The following NCOR1 variants were observed in gnomAD, a reference collection of about 807,000 sequenced individuals.
The protein encoded by NCOR1 is nuclear receptor corepressor 1.
In NCOR1, 63 loss-of-function variants were observed where a neutral mutation model predicts 288.1. The ratio of observed to expected loss-of-function variants is 0.22; its 90% CI spans 0.18 to 0.27. The LOEUF is 0.27. Ranked by LOEUF, NCOR1 falls within the 10% of genes least tolerant of loss-of-function variation. The probability of loss-of-function intolerance (pLI) is 1.00; values close to 1 mark genes in which losing one functional copy is unlikely to be tolerated. For missense variants in NCOR1, 2,397 were observed against 3,019.2 expected, an observed-to-expected ratio of 0.79 and a Z score of 4.83; for synonymous variants, 1,007 against 1,065.9, an observed-to-expected ratio of 0.94 and a Z score of 1.08.
At chr17:16,159,776 G>A (rs1379486742) in intron 5 of NCOR1, among the ~76,000 whole-genome samples, 2 of 151,756 alleles carry the variant, frequency 1.3e-5, no homozygotes, top group East Asian at 3.9e-4. Flanking sequence ...GCCTGGGTTT[G>A]AGCCTCAGGG....
intron 23 of NCOR1, among the ~76,000 whole-genome samples, chr17:16,081,623 G>C (rs1381733448): frequency 6.6e-6 from 1 of 152,160 alleles, no homozygotes; most frequent in East Asian, 1.9e-4. Flanking sequence ...TGACTTCTCT[G>C]TTGGTTCTCT....
At chr17:16,205,420 C>T (rs1443577390) in intron 1 of NCOR1, among the ~76,000 whole-genome samples, 3 of 150,936 alleles carry the variant, frequency 2.0e-5, no homozygotes, top group Non-Finnish European at 4.4e-5. Context: ...GTCAGGAGTT[C>T]GAGACCAGCC....
At position 16,154,811 on chromosome 17, in the gene NCOR1, G is replaced by A. The variant is rs149268094; in HGVS notation, c.733-1416C>T. On this transcript the variant is annotated intron_variant, in intron 6 of 45. Coordinates refer to ENST00000268712, the MANE Select transcript of NCOR1 (RefSeq NM_006311.4). ...CGTGAGACTCAATAACTATGTGGGA[G>A]ATGAAGGCTCAAATTAAGCTAATGA... Among the ~76,000 whole-genome samples the A allele has an allele frequency of 7.9e-5, 12 of 152,310 alleles. 1 individual carries two copies. The East Asian group carries it at 1.9e-3, about 24-fold the overall frequency.
intron 6 of NCOR1, among the ~76,000 whole-genome samples, chr17:16,154,902 T>C (rs1477443354): frequency 6.6e-6 from 1 of 152,194 alleles, no homozygotes; most frequent in Non-Finnish European, 1.5e-5. Context: ...CGCTCTTCAC[T>C]GATTACCTCA....
intron 15 of NCOR1, among the ~76,000 whole-genome samples, chr17:16,124,251 AACT>A (rs2073584944): frequency 6.6e-6 from 1 of 152,234 alleles, no homozygotes; most frequent in African/African-American, 2.4e-5. Context: ...AAAAGGAACA[AACT>A]ACTGATACAT....
chr17:16,199,806 T>C (rs535428592), intron 1 of NCOR1, among the ~76,000 whole-genome samples: 2 of 152,320 alleles, frequency 1.3e-5, no homozygotes, highest in Admixed American at 6.5e-5. Context: ...AACTTCCTCA[T>C]CTCTTAAATA....
At position 16,143,642 on chromosome 17, in the gene NCOR1, C is replaced by T; in HGVS notation, c.1137G>A (p.Glu379=). The T allele has an allele frequency of 6.2e-7, 1 of 1,613,954 alleles. No individual in the cohort carries two copies. The highest frequency in any genetic ancestry group is 8.5e-7 in the Non-Finnish European group (1 of 1,179,880). Residue 379 remains glutamate (E), a synonymous_variant, in exon 11 of 46, where the codon GAG becomes GAA. Coordinates refer to ENST00000268712, the MANE Select transcript of NCOR1 (RefSeq NM_006311.4). ...LSATIARSEH[E]ISEIIDGLSE... ...AGAGCCCATCAATAATTTCAGAAAT[C>T]TCATGCTCACTCCTAGCAATGGTGG...
At position 16,049,747 on chromosome 17, in the gene NCOR1, C is replaced by G. The variant is rs12451272; in HGVS notation, c.6393-759G>C. Among the ~76,000 whole-genome samples the G allele has an allele frequency of 5.3e-3, 804 of 151,982 alleles. 27 individuals carry two copies. The highest frequency in any genetic ancestry group is 0.043 in the Admixed American group (655 of 15,282). On this transcript the variant is annotated intron_variant, in intron 40 of 45. Transcript: ENST00000268712. The stretch of plus-strand genomic sequence containing the variant: ...ATTATAGGCATGCGCCACCATACCC[C>G]GGCTAATTTTTGTATTTTTAGTAGA...
At chr17:16,107,500 GC>G (rs1241132771) in intron 19 of NCOR1, among the ~76,000 whole-genome samples, 1 of 152,148 alleles carries the variant, frequency 6.6e-6, no homozygotes, top group Non-Finnish European at 1.5e-5. Flanking sequence ...AAGCAACTGT[GC>G]CAGCACCTTG....
intron 40 of NCOR1, chr17:16,056,893 CATACATAT>C (rs558827162): frequency 6.6e-6 from 1 of 150,726 alleles, no homozygotes; most frequent in African/African-American, 2.5e-5. Flanking sequence ...TGTATCTATA[CATACATAT>C]ATACATATAT....
intron 19 of NCOR1, among the ~76,000 whole-genome samples, chr17:16,108,486 C>T (rs927287356): frequency 2.0e-5 from 3 of 152,022 alleles, no homozygotes; most frequent in Non-Finnish European, 4.4e-5. Context: ...ATGTAACCAA[C>T]TATACTAACT....
intron 14 of NCOR1, among the ~76,000 whole-genome samples, chr17:16,128,739 T>G (rs1468515447): frequency 6.6e-6 from 1 of 152,208 alleles, no homozygotes; most frequent in Non-Finnish European, 1.5e-5. Flanking sequence ...AAAATTTCCC[T>G]TCTTAATAGC....
At chr17:16,109,010 C>CACACACA in intron 18 of NCOR1, 98 bp from the exon 19 acceptor site, 1 of 917,386 alleles carries the variant, frequency 1.1e-6, no homozygotes, top group Admixed American at 3.0e-5. Flanking sequence ...CACACACACA[C>CACACACA]CAGACAAGGA....
At chr17:16,135,683 C>T (rs2076291518) in intron 14 of NCOR1, among the ~76,000 whole-genome samples, 1 of 152,188 alleles carries the variant, frequency 6.6e-6, no homozygotes, top group Non-Finnish European at 1.5e-5. Flanking sequence ...TCATGAAACA[C>T]TCGCTATACT....
intron 18 of NCOR1, among the ~76,000 whole-genome samples, chr17:16,115,150 G>A (rs539447804): frequency 2.0e-4 from 30 of 152,240 alleles, no homozygotes; most frequent in African/African-American, 6.0e-4. Flanking sequence ...CTGAAGCCAC[G>A]GCCCAAGCTG....
intron 32 of NCOR1, among the ~76,000 whole-genome samples, chr17:16,066,475 G>A (rs1230269825): frequency 6.6e-6 from 1 of 152,024 alleles, no homozygotes; most frequent in African/African-American, 2.4e-5. Flanking sequence ...ATCCAACTCA[G>A]GCTCAAAAAC....
intron 42 of NCOR1, chr17:16,044,345 G>A (rs923149682): frequency 2.0e-5 from 9 of 460,932 alleles, no homozygotes; most frequent in African/African-American, 1.6e-4. Flanking sequence ...TTTTTTCCTT[G>A]GTGTTCAACA....
At chr17:16,157,098 A>C (rs1189758935) in intron 6 of NCOR1, among the ~76,000 whole-genome samples, 1 of 152,052 alleles carries the variant, frequency 6.6e-6, no homozygotes, top group Admixed American at 6.5e-5. Flanking sequence ...AGCCCACAAA[A>C]GTGTTTTGCA....
At chr17:16,132,885 T>C (rs1177619519) in intron 14 of NCOR1, among the ~76,000 whole-genome samples, 5 of 150,148 alleles carry the variant, frequency 3.3e-5, no homozygotes, top group African/African-American at 1.2e-4. Flanking sequence ...CTTTCCTTCC[T>C]TCCTTTCCCT....
Sources: allele counts gnomAD v4.1 joint callset (sites outside exome capture counted in the v4.1 genomes callset), GRCh38; gene constraint gnomAD v4.1.1; transcripts MANE v1.5; gene names NCBI Gene and HGNC (gene_info 2026-07-23, HGNC 2026-07-21).